The following RALYL variants were observed in gnomAD, a reference collection of about 807,000 sequenced individuals.
RALYL encodes RALY RNA binding protein like, also known as RNA-binding Raly-like protein.
A neutral mutation model predicts 35.1 loss-of-function variants in RALYL; 29 were observed. That is an observed-to-expected ratio of 0.83 (90% CI 0.61 to 1.13). The LOEUF is 1.13. RALYL is among the 50% of genes most tolerant of loss of function. The pLI is 0.00. For missense variants in RALYL, 359 were observed against 360.4 expected, an observed-to-expected ratio of 1.00 and a Z score of 0.03; for synonymous variants, 120 against 127.6, an observed-to-expected ratio of 0.94 and a Z score of 0.40.
chr8:84,670,297 C>T (rs972969975), intron 2 of RALYL, among the ~76,000 whole-genome samples: 1 of 152,174 alleles, frequency 6.6e-6, no homozygotes, highest in African/African-American at 2.4e-5. Flanking sequence ...TGAGGAGTTA[C>T]ACAACTCTTG....
intron 1 of RALYL, among the ~76,000 whole-genome samples, chr8:84,255,990 TAGAC>T (rs1186906151): frequency 3.3e-5 from 5 of 152,134 alleles, no homozygotes; most frequent in African/African-American, 1.2e-4. Flanking sequence ...TTGAAAGGCA[TAGAC>T]AGAGTATCAT....
At chr8:84,755,612 G>A (rs749356086) in intron 2 of RALYL, among the ~76,000 whole-genome samples, 14 of 152,088 alleles carry the variant, frequency 9.2e-5, no homozygotes, top group East Asian at 5.8e-4. Context: ...ATTAGTATGC[G>A]TGTGAGTGCT....
chr8:84,305,042 G>C (rs534313002), intron 1 of RALYL, among the ~76,000 whole-genome samples: 133 of 152,156 alleles, frequency 8.7e-4, no homozygotes, highest in Admixed American at 4.2e-3. Flanking sequence ...CAAGTTCTTT[G>C]TACCTAACAG....
intron 4 of RALYL, among the ~76,000 whole-genome samples, chr8:84,843,773 T>C (rs928022888): frequency 2.6e-5 from 4 of 152,192 alleles, no homozygotes; most frequent in South Asian, 4.1e-4. Flanking sequence ...AACAGTGATA[T>C]AGACCAATGG....
chr8:84,306,322 A>C (rs1416223563), intron 1 of RALYL, among the ~76,000 whole-genome samples: 4 of 152,308 alleles, frequency 2.6e-5, no homozygotes, highest in Admixed American at 6.5e-5. Context: ...ACATGATAAA[A>C]AGGAGGAGGA....
At position 84,463,228 on chromosome 8, in the gene RALYL, T is replaced by C. The variant is rs2051029045; in HGVS notation, c.-23-66071T>C. Among the ~76,000 whole-genome samples, 4 of 152,024 alleles carry C rather than the reference T, an allele frequency of 2.6e-5. No individual in the cohort carries two copies. In the South Asian group the frequency reaches 8.3e-4, roughly 31 times the overall value. Reference sequence around the variant, plus strand: ...CCTCTCATGACACTGTTTACTCAGTTACAGACAATTGCTCTAGAGGTCTTC... The same window carrying C: ...CCTCTCATGACACTGTTTACTCAGTCACAGACAATTGCTCTAGAGGTCTTC... On this transcript the variant is annotated intron_variant, in intron 1 of 8. Coordinates refer to ENST00000521268, the MANE Select transcript of RALYL (RefSeq NM_173848.7).
At chr8:84,845,895 G>T (rs1425500878) in intron 4 of RALYL, among the ~76,000 whole-genome samples, 2 of 152,054 alleles carry the variant, frequency 1.3e-5, no homozygotes, top group African/African-American at 4.8e-5. Flanking sequence ...TGACTAGGGA[G>T]TCCTTTCCTT....
intron 3 of RALYL, among the ~76,000 whole-genome samples, chr8:84,776,680 T>G (rs992209939): frequency 4.6e-5 from 7 of 152,014 alleles, no homozygotes; most frequent in African/African-American, 1.7e-4. Context: ...CATCAAAGAG[T>G]TGCTACTGTC....
chr8:84,679,658 G>A (rs1249236928), intron 2 of RALYL: 3 of 494,336 alleles, frequency 6.1e-6, no homozygotes, highest in Non-Finnish European at 1.2e-5. Context: ...AGGTGACAAT[G>A]AAGTACAGAG....
chr8:84,268,969 A>G (rs1344601645), intron 1 of RALYL, among the ~76,000 whole-genome samples: 1 of 152,236 alleles, frequency 6.6e-6, no homozygotes, highest in Non-Finnish European at 1.5e-5. Context: ...TCACTATAAC[A>G]TGCCCACTAC....
intron 4 of RALYL, among the ~76,000 whole-genome samples, chr8:84,821,386 T>C (rs1487030782): frequency 6.6e-6 from 1 of 152,216 alleles, no homozygotes; most frequent in Non-Finnish European, 1.5e-5. Flanking sequence ...TCTGGGACTT[T>C]TGCTTACAAA....
At chr8:84,466,223 T>C (rs1327572301) in intron 1 of RALYL, among the ~76,000 whole-genome samples, 2 of 139,808 alleles carry the variant, frequency 1.4e-5, no homozygotes. Context: ...CTTGTGCCAG[T>C]TTTCAAAGGG....
chr8:84,754,781 C>T (rs774906405), intron 2 of RALYL, among the ~76,000 whole-genome samples: 1 of 152,096 alleles, frequency 6.6e-6, no homozygotes, highest in Non-Finnish European at 1.5e-5. Flanking sequence ...ATAGATGCCA[C>T]CATGCGGTAG....
chr8:84,304,230 G>T (rs555775929), intron 1 of RALYL, among the ~76,000 whole-genome samples: 1 of 152,138 alleles, frequency 6.6e-6, no homozygotes, highest in Admixed American at 6.6e-5. Flanking sequence ...CCATTGTCCT[G>T]CCTCAGCCTC....
intron 2 of RALYL, among the ~76,000 whole-genome samples, chr8:84,662,219 G>T (rs1043051101): frequency 6.6e-6 from 1 of 151,876 alleles, no homozygotes; most frequent in Non-Finnish European, 1.5e-5. Flanking sequence ...TCTTTCACCT[G>T]GCTTATCATG....
At position 84,609,176 on chromosome 8, in the gene RALYL, T is replaced by A. The variant is rs111627799; in HGVS notation, c.256+79599T>A. ...ATACATCAAAGAGATTTACACAATC[T>A]TGAGGTTCTATAAGATCTATTGAAT... is the stretch of plus-strand genomic sequence containing the variant. On this transcript the variant is annotated intron_variant, in intron 2 of 8. Coordinates refer to ENST00000521268, the MANE Select transcript of RALYL (RefSeq NM_173848.7). Among the ~76,000 whole-genome samples, 354 of 152,306 alleles carry A rather than the reference T, an allele frequency of 2.3e-3. 1 individual carries two copies. The highest frequency in any genetic ancestry group is 8.2e-3 in the African/African-American group (343 of 41,584).
intron 4 of RALYL, among the ~76,000 whole-genome samples, chr8:84,841,655 C>T (rs941181284): frequency 6.6e-6 from 1 of 152,192 alleles, no homozygotes; most frequent in African/African-American, 2.4e-5. Flanking sequence ...CCCAAATCAA[C>T]AGAATATACA....
chr8:84,636,982 A>G (rs1249759868), intron 2 of RALYL, among the ~76,000 whole-genome samples: 1 of 151,914 alleles, frequency 6.6e-6, no homozygotes, highest in Non-Finnish European at 1.5e-5. Context: ...GTCTTCACCT[A>G]TGGAAGCTTA....
chr8:84,269,103 C>G (rs1322580563), intron 1 of RALYL, among the ~76,000 whole-genome samples: 1 of 152,012 alleles, frequency 6.6e-6, no homozygotes, highest in Admixed American at 6.6e-5. Context: ...AGGTAATGAG[C>G]TTGTAATTCA....
Sources: allele counts gnomAD v4.1 joint callset (sites outside exome capture counted in the v4.1 genomes callset), GRCh38; gene constraint gnomAD v4.1.1; transcripts MANE v1.5; gene names NCBI Gene and HGNC (gene_info 2026-07-23, HGNC 2026-07-21).